The following JMJD1C variants were observed in gnomAD, a reference collection of about 807,000 sequenced individuals.
JMJD1C encodes jumonji domain-containing protein 1C.
In JMJD1C, 31 loss-of-function variants were observed where a neutral mutation model predicts 245.3. The ratio of observed to expected loss-of-function variants is 0.13; its 90% CI spans 0.09 to 0.17. The LOEUF is 0.17. JMJD1C is among the 10% of genes least tolerant of loss of function. The pLI is 1.00. For missense variants in JMJD1C, 2,691 were observed against 3,000.2 expected (o/e 0.90, Z 2.41); for synonymous variants, 1,057 against 1,017.4 (o/e 1.04, Z -0.74).
intron 1 of JMJD1C, among the ~76,000 whole-genome samples, chr10:63,506,451 C>A (rs1291571203): frequency 6.6e-6 from 1 of 152,176 alleles, no homozygotes; most frequent in Non-Finnish European, 1.5e-5. Context: ...GCTTCTTGAA[C>A]AAGCCCCAGT....
At position 63,465,638 on chromosome 10, in the gene JMJD1C, G is replaced by A. The variant is rs1269287771; in HGVS notation, c.25C>T (p.Leu9=). The A allele has an allele frequency of 1.2e-6, 2 of 1,609,506 alleles. No homozygotes were observed. Among genetic ancestry groups the A allele is most frequent in the Middle Eastern group, 1.7e-4 (1 of 6,060 alleles). MAVETRAE[L]VGKRFLCVAV... ...ACACACAGGAACCGCTTACCCACCA[G>A]CTCTGCCCGCGTCTCTACCGCCATA... is the stretch of plus-strand genomic sequence containing the variant. Residue 9 remains leucine (L), a synonymous_variant, in exon 1 of 26, where the codon CTG becomes TTG. Coordinates refer to ENST00000399262, the MANE Select transcript of JMJD1C (RefSeq NM_032776.3).
chr10:63,173,270 G>T (rs1414102624), intron 24 of JMJD1C, among the ~76,000 whole-genome samples: 1 of 152,116 alleles, frequency 6.6e-6, no homozygotes, highest in Non-Finnish European at 1.5e-5. Flanking sequence ...ATACAAAGAT[G>T]AACTACATTG....
intron 1 of JMJD1C, among the ~76,000 whole-genome samples, chr10:63,387,564 A>T (rs1589644534): frequency 4.3e-5 from 1 of 23,384 alleles, no homozygotes; most frequent in African/African-American, 6.1e-5. Context: ...CAAATAGAAG[A>T]AAAAAATCTC....
At chr10:63,192,897 A>T (rs146282111) in intron 16 of JMJD1C, 41 bp downstream of exon 16, 10 of 1,389,518 alleles carry the variant, frequency 7.2e-6, no homozygotes, top group Non-Finnish European at 7.2e-6. Context: ...TAGTTATACT[A>T]TACTCCTCTC....
At chr10:63,510,566 T>C (rs1049151671) in intron 1 of JMJD1C, among the ~76,000 whole-genome samples, 1 of 152,260 alleles carries the variant, frequency 6.6e-6, no homozygotes, top group South Asian at 2.1e-4. Context: ...TGAGAACAGA[T>C]ATGGCATGAT....
chr10:63,203,421 G>A (rs1350477983), intron 10 of JMJD1C: 1 of 985,156 alleles, frequency 1.0e-6, no homozygotes, highest in East Asian at 1.1e-4. Context: ...AGAAAACTGG[G>A]GAGGAAGAAA....
rs191644500 is a variant in JMJD1C, at chr10:63,443,278, C to A, written c.168+22217G>T. On this transcript the variant is annotated intron_variant, in intron 1 of 25. Transcript: ENST00000399262. ...GTCACCCTCTCAGCTCTCCAAATCC[C>A]ATCATTTACAGGGTTTTGTTTTTTT... Among the ~76,000 whole-genome samples the A allele has an allele frequency of 3.9e-3, 601 of 152,242 alleles. 4 individuals are homozygous for A. The highest frequency in any genetic ancestry group is 5.7e-3 in the Non-Finnish European group (390 of 68,002).
chr10:63,465,843 G>A lies in JMJD1C; in HGVS notation c.-181C>T, dbSNP rs187666800. The A allele has an allele frequency of 9.0e-4, 650 of 724,418 alleles. 10 individuals are homozygous for A. The East Asian group carries it at 0.017, about 18-fold the overall frequency. 44.9% of individuals were successfully genotyped at this position (724,418 alleles called of 1,614,324 possible). ...GACACAGCGACCTCGGGCCCTCCCC[G>A]CAAACACTCCTTTGGACTCCCAGAT... On this transcript the variant is annotated 5_prime_UTR_variant, in exon 1 of 26. Transcript: ENST00000399262.
At chr10:63,381,424 G>A (rs1488521478) in intron 1 of JMJD1C, among the ~76,000 whole-genome samples, 1 of 152,080 alleles carries the variant, frequency 6.6e-6, no homozygotes, top group East Asian at 1.9e-4. Flanking sequence ...AAGACAGGAG[G>A]ATCACTTGAG....
At chr10:63,279,896 T>C (rs1589372995) in intron 2 of JMJD1C, among the ~76,000 whole-genome samples, 1 of 151,302 alleles carries the variant, frequency 6.6e-6, no homozygotes, top group African/African-American at 2.4e-5. Flanking sequence ...CACGCCTGTT[T>C]TCCCAGCACT....
At chr10:63,393,065 G>T (rs1210369419) in intron 1 of JMJD1C, among the ~76,000 whole-genome samples, 2 of 152,064 alleles carry the variant, frequency 1.3e-5, no homozygotes, top group Non-Finnish European at 2.9e-5. Flanking sequence ...CCAGGAGTTT[G>T]AGGCCAGCCT....
intron 1 of JMJD1C, among the ~76,000 whole-genome samples, chr10:63,506,362 G>T (rs1210603784): frequency 6.6e-6 from 1 of 152,138 alleles, no homozygotes; most frequent in Non-Finnish European, 1.5e-5. Context: ...TATTAATGTG[G>T]TTATGAATTA....
At chr10:63,443,778 T>C (rs2588804) in intron 1 of JMJD1C, among the ~76,000 whole-genome samples, 150,092 of 152,346 alleles carry the variant, frequency 0.99, 73,970 homozygotes, top group Middle Eastern at 1. Flanking sequence ...TCTGGTCTTT[T>C]TGGTGACCAG....
At chr10:63,420,502 C>T (rs1589713973) in intron 1 of JMJD1C, among the ~76,000 whole-genome samples, 2 of 150,874 alleles carry the variant, frequency 1.3e-5, no homozygotes. Context: ...CTTTGTAGTT[C>T]AAGACCAGCC....
At chr10:63,286,404 T>C (rs539224042) in intron 2 of JMJD1C, among the ~76,000 whole-genome samples, 20 of 152,358 alleles carry the variant, frequency 1.3e-4, no homozygotes, top group Admixed American at 2.0e-4. Context: ...GCTTCAGCCA[T>C]TGCGACCGTG....
intron 2 of JMJD1C, among the ~76,000 whole-genome samples, chr10:63,347,300 C>T (rs1943921575): frequency 6.6e-6 from 1 of 151,906 alleles, no homozygotes; most frequent in Admixed American, 6.6e-5. Flanking sequence ...AAAGAAATTA[C>T]GGGCCGGGTG....
chr10:63,345,496 A>AC (rs1384904913), intron 2 of JMJD1C, among the ~76,000 whole-genome samples: 1 of 151,734 alleles, frequency 6.6e-6, no homozygotes, highest in Non-Finnish European at 1.5e-5. Context: ...CTCAAAAAAA[A>AC]AAAAAAAAAC....
chr10:63,374,008 AGG>A (rs1946523296), intron 2 of JMJD1C, among the ~76,000 whole-genome samples: 1 of 152,204 alleles, frequency 6.6e-6, no homozygotes, highest in Non-Finnish European at 1.5e-5. Flanking sequence ...AAAAGAAAAA[AGG>A]AAGGAAGGCA....
At chr10:63,268,910 C>T in intron 2 of JMJD1C, 1 of 985,830 alleles carries the variant, frequency 1.0e-6, no homozygotes, top group South Asian at 4.7e-5. Context: ...TGTAACCTAA[C>T]AAGTCTCCAA....
Sources: allele counts gnomAD v4.1 joint callset (sites outside exome capture counted in the v4.1 genomes callset), GRCh38; gene constraint gnomAD v4.1.1; transcripts MANE v1.5; gene names NCBI Gene and HGNC (gene_info 2026-07-23, HGNC 2026-07-21).